The following SHFL variants were observed in gnomAD, a reference collection of about 807,000 sequenced individuals.
SHFL encodes the protein shiftless antiviral inhibitor of ribosomal frameshifting protein.
Under a neutral mutation model 34.7 loss-of-function variants are expected in SHFL, and 12 were observed. That is an observed-to-expected ratio of 0.35 (90% confidence interval 0.22 to 0.56). The LOEUF (loss-of-function observed/expected upper bound fraction) is 0.56. Ranked by LOEUF, SHFL falls within the 20% of genes least tolerant of loss-of-function variation. The pLI is 0.88. For synonymous variants in SHFL, 148 were observed against 156.0 expected (o/e 0.95, Z 0.38); for missense variants, 278 against 411.1 (o/e 0.68, Z 2.80).
At chr19:10,092,035 C>A (rs748240840) in intron 7 of SHFL, 35 bp from the exon 8 acceptor site, 3 of 1,613,220 alleles carry the variant, frequency 1.9e-6, no homozygotes, top group Admixed American at 1.7e-5. Context: ...CATGGGACCT[C>A]CAGCCCCATG....
intron 3 of SHFL, chr19:10,088,035 C>G (rs1599273322): frequency 2.0e-5 from 3 of 151,738 alleles, no homozygotes; most frequent in East Asian, 1.9e-4. Context: ...CCGAGGCGGG[C>G]GGATCACCTG....
Position 10,091,778 on chromosome 19 carries a change from T to C in SHFL, c.643+148T>C, listed in dbSNP as rs2088395179. On this transcript the variant is annotated intron_variant, in intron 7 of 7. Coordinates refer to ENST00000253110, the MANE Select transcript of SHFL (RefSeq NM_018381.4). This position sits in a 1 kb window ranked among gnomAD's most constrained non-coding sequence, Gnocchi z 8.2. ...CCATGACCCCCCAGTCTCCGTGGTCTTGCCCAGGAGGCTCTGAGGTTTCAC... is the reference window on the plus strand; with the variant it reads ...CCATGACCCCCCAGTCTCCGTGGTCCTGCCCAGGAGGCTCTGAGGTTTCAC... The C allele has an allele frequency of 8.4e-7, 1 of 1,191,390 alleles. No individual in the cohort carries two copies. Among genetic ancestry groups the C allele is most frequent in the East Asian group, 2.6e-5 (1 of 38,508 alleles). The allele number at this position is 1,191,390 out of a possible 1,614,324, so 73.8% of individuals were successfully genotyped here. A position where few individuals can be genotyped will look rare whatever the true frequency, so the allele number is the denominator to read the frequency against.
At chr19:10,088,164 G>GCT (rs2088318635) in intron 3 of SHFL, 1 of 151,558 alleles carries the variant, frequency 6.6e-6, no homozygotes. Flanking sequence ...GGAGGCTGAG[G>GCT]CAGGAGAATC....
Position 10,092,241 on chromosome 19 carries a change from T to G in SHFL, c.815T>G (p.Leu272Arg). The change falls in exon 8 of 8, where the codon CTG (leucine) becomes CGG (arginine). Residue 272 changes from leucine to arginine, a missense_variant. This residue lies in a region of SHFL where 35 missense variants were observed against 24.9 expected (regional missense o/e 1.41). Coordinates refer to ENST00000253110, the MANE Select transcript of SHFL (RefSeq NM_018381.4). ...CTGGACAACCTCATCCTGGAGGACCTGAAGGAGGAGGAGGAGGAAGAGGAG... is the reference window on the plus strand; with the variant it reads ...CTGGACAACCTCATCCTGGAGGACCGGAAGGAGGAGGAGGAGGAAGAGGAG... Reference protein sequence around the residue: ...EDLDNLILEDLKEEEEEEEEV... With the variant: ...EDLDNLILEDRKEEEEEEEEV... 6.2e-7 allele frequency: 1 copy of G among 1,611,272 alleles called. No homozygotes were observed. The highest frequency in any genetic ancestry group is 8.5e-7 in the Non-Finnish European group (1 of 1,178,776).
rs1480957581 is a variant in SHFL, at chr19:10,092,767, A to G, written c.*465A>G. On this transcript the variant is annotated 3_prime_UTR_variant, in exon 8 of 8. Coordinates refer to ENST00000253110, the MANE Select transcript of SHFL (RefSeq NM_018381.4). ...GTACCACCAGCCTCCCCGCTGGTAC[A>G]GGGCACAGTTACCTGAGGGGAGAGA... 1 of 1,601,720 alleles carries G rather than the reference A, an allele frequency of 6.2e-7. No homozygotes were observed. Among genetic ancestry groups the G allele is most frequent in the Admixed American group, 1.7e-5 (1 of 59,488 alleles).
At chr19:10,087,083 G>C in intron 2 of SHFL, 31 bp downstream of exon 2, 2 of 1,602,178 alleles carry the variant, frequency 1.2e-6, no homozygotes, top group Non-Finnish European at 1.7e-6. Flanking sequence ...GGCCTGGTGC[G>C]GGGACCGCGC....
At position 10,092,409 on chromosome 19, in the gene SHFL, G is replaced by A. The variant is rs148101087; in HGVS notation, c.*107G>A. 2 of 1,519,062 alleles carry A rather than the reference G, an allele frequency of 1.3e-6. No individual in the cohort carries two copies. The highest frequency in any genetic ancestry group is 2.4e-5 in the East Asian group (1 of 41,186). 94.1% of individuals were successfully genotyped at this position (1,519,062 alleles called of 1,614,324 possible). A position where few individuals can be genotyped will look rare whatever the true frequency, so the allele number is the denominator to read the frequency against. On this transcript the variant is annotated 3_prime_UTR_variant, in exon 8 of 8. Transcript: ENST00000253110. ...TGAATGACCTTGGGGAGCCATCTGA[G>A]GCCAAGATATTGACGGGGGGGATTC...
intron 3 of SHFL, 160 bp from the exon 4 acceptor site, chr19:10,089,497 T>C: frequency 7.3e-7 from 1 of 1,365,690 alleles, no homozygotes; most frequent in Admixed American, 2.0e-5. Context: ...TGAGGACAAC[T>C]GAGGCCACAC....
chr19:10,092,777 T>C lies in SHFL; in HGVS notation c.*475T>C, dbSNP rs753123569. Reference sequence around the variant, plus strand: ...CCTCCCCGCTGGTACAGGGCACAGTTACCTGAGGGGAGAGAGAGAGTCCAT... The same window carrying C: ...CCTCCCCGCTGGTACAGGGCACAGTCACCTGAGGGGAGAGAGAGAGTCCAT... On this transcript the variant is annotated 3_prime_UTR_variant, in exon 8 of 8. Transcript: ENST00000253110. The C allele has an allele frequency of 1.1e-5, 18 of 1,595,806 alleles. No individual in the cohort carries two copies. The highest frequency in any genetic ancestry group is 1.3e-5 in the Non-Finnish European group (15 of 1,166,268).
intron 3 of SHFL, chr19:10,087,780 T>G: frequency 6.0e-6 from 1 of 166,398 alleles, no homozygotes; most frequent in Non-Finnish European, 1.3e-5. Flanking sequence ...GAGCAGAGGA[T>G]TGGGGAGGAG....
chr19:10,091,911 G>T lies in SHFL; in HGVS notation c.644-159G>T. ...TCTCAGGTGACCCCCATGTCCCCAGGTCTCCTGTATCTTCAACACCCCTGA... is the reference window on the plus strand; with the variant it reads ...TCTCAGGTGACCCCCATGTCCCCAGTTCTCCTGTATCTTCAACACCCCTGA... On this transcript the variant is annotated intron_variant, in intron 7 of 7. Transcript: ENST00000253110. This position sits in a 1 kb window ranked among gnomAD's most constrained non-coding sequence, Gnocchi z 8.2. 2 of 958,680 alleles carry T rather than the reference G, an allele frequency of 2.1e-6. No homozygotes were observed. The highest frequency in any genetic ancestry group is 3.1e-6 in the Non-Finnish European group (2 of 646,582). The allele number at this position is 958,680 out of a possible 1,614,324, so 59.4% of individuals were successfully genotyped here.
chr19:10,091,638 T>C lies in SHFL; in HGVS notation c.643+8T>C, dbSNP rs1159480511. 1 of 1,544,728 alleles carries C rather than the reference T, an allele frequency of 6.5e-7. No homozygotes were observed. Among genetic ancestry groups the C allele is most frequent in the African/African-American group, 1.4e-5 (1 of 72,988 alleles). ...ACTGCTACAACCGGCGAGGTGAGGC[T>C]CTTCTCCCCCAACAGCCTGGACAGT... On this transcript the variant is annotated splice_region_variant and intron_variant, in intron 7 of 7. Coordinates refer to ENST00000253110, the MANE Select transcript of SHFL (RefSeq NM_018381.4). This position sits in a 1 kb window ranked among gnomAD's most constrained non-coding sequence, Gnocchi z 8.2.
At chr19:10,088,505 C>A (rs1013087644) in intron 3 of SHFL, among the ~76,000 whole-genome samples, 17 of 146,316 alleles carry the variant, frequency 1.2e-4, no homozygotes, top group Non-Finnish European at 2.3e-4. Context: ...GGAGGCGGAG[C>A]TTGCAGTGAG....
In SHFL at chr19:10,092,223, A is replaced by G. The variant is rs1486442921; in HGVS notation, c.797A>G (p.Asn266Ser). ...SQGGLLEDLD[N>S]LILEDLKEEE... ...GGTGGCCTCCTGGAAGACCTGGACA[A>G]CCTCATCCTGGAGGACCTGAAGGAG... The change falls in exon 8 of 8, where the codon AAC becomes AGC. Residue 266 changes from asparagine (N) to serine (S), a missense_variant. Coordinates refer to ENST00000253110, the MANE Select transcript of SHFL (RefSeq NM_018381.4). The G allele has an allele frequency of 3.7e-6, 6 of 1,613,198 alleles. No homozygotes were observed. Among genetic ancestry groups the G allele is most frequent in the East Asian group, 2.2e-5 (1 of 44,880 alleles).
In SHFL at chr19:10,092,849, G is replaced by A. The variant is rs1404066227; in HGVS notation, c.*547G>A. ...CCTCTACCTGCACCTCACAGTGCAA[G>A]GCTTTTGCCAGGCATCCCCTGGCCC... On this transcript the variant is annotated 3_prime_UTR_variant, in exon 8 of 8. Coordinates refer to ENST00000253110, the MANE Select transcript of SHFL (RefSeq NM_018381.4). 4.4e-6 allele frequency: 6 copies of A among 1,350,096 alleles called. No homozygotes were observed. The East Asian group carries it at 1.5e-4, about 34-fold the overall frequency. 83.6% of individuals were successfully genotyped at this position (1,350,096 alleles called of 1,614,324 possible). A position where few individuals can be genotyped will look rare whatever the true frequency, so the allele number is the denominator to read the frequency against.
At position 10,089,929 on chromosome 19, in the gene SHFL, A is replaced by G. The variant is rs1174217622; in HGVS notation, c.266A>G (p.Glu89Gly). 1.9e-6 allele frequency: 3 copies of G among 1,612,256 alleles called. No homozygotes were observed. The highest frequency in any genetic ancestry group is 2.5e-6 in the Non-Finnish European group (3 of 1,179,350). Residue 89 changes from glutamate (E) to glycine (G), a missense_variant, in exon 5 of 8, where the codon GAA becomes GGA. Transcript: ENST00000253110. ...GCGACCTCCCTCCTGCCACTGACAG[A>G]AGCCAACCTACGCATGTTTCAACGT... is the stretch of plus-strand genomic sequence containing the variant. ...AVATSLLPLT[E>G]ANLRMFQRAQ...
At chr19:10,087,345 A>C (rs916112122) in intron 3 of SHFL, 45 bp downstream of exon 3, 1 of 1,610,942 alleles carries the variant, frequency 6.2e-7, no homozygotes, top group African/African-American at 1.3e-5. Context: ...CACGGGAGGG[A>C]GAGCAAGAGG....
At position 10,087,272 on chromosome 19, in the gene SHFL, A is replaced by C; in HGVS notation, c.167A>C (p.Gln56Pro). The stretch of plus-strand genomic sequence containing the variant: ...GCAGGGGTAAAGCAAAAAGATGGCC[A>C]AGAACTAAGTAACGATCTGGATGCC... ...IVYGVKQKDG[Q>P]ELSNDLDAQD... is the part of the protein sequence containing the mutation. The change falls in exon 3 of 8, where the codon CAA (glutamine) becomes CCA (proline). Residue 56 changes from glutamine (Q) to proline (P), a missense_variant. Around this residue, in one of 2 missense-constraint regions of SHFL, gnomAD observed 243 missense variants for 386.2 expected, o/e 0.63. Transcript: ENST00000253110. 2 of 1,614,048 alleles carry C rather than the reference A, an allele frequency of 1.2e-6. No homozygotes were observed. The highest frequency in any genetic ancestry group is 1.7e-6 in the Non-Finnish European group (2 of 1,179,894).
intron 3 of SHFL, among the ~76,000 whole-genome samples, chr19:10,088,515 G>A (rs1336843953): frequency 1.3e-5 from 2 of 152,090 alleles, no homozygotes; most frequent in East Asian, 3.9e-4. Context: ...CTTGCAGTGA[G>A]CCGAGATCGC....
Sources: gnomAD v4.1 joint callset for allele counts (sites outside exome capture counted in the v4.1 genomes callset) on GRCh38, gnomAD v4.1.1 for gene constraint, gnomAD v4.1.1 regional missense constraint, Gnocchi (gnomAD v3.1) non-coding constraint, MANE v1.5 for transcripts, NCBI Gene and HGNC (gene_info 2026-07-23, HGNC 2026-07-21) for gene names.